The following GABRB3 variants were observed in gnomAD, a reference collection of about 807,000 sequenced individuals.
The protein encoded by GABRB3 is gamma-aminobutyric acid type A receptor subunit beta3.
Under a neutral mutation model 52.1 loss-of-function variants are expected in GABRB3, and 14 were observed. The observed-to-expected ratio is 0.27, with a 90% CI of 0.18 to 0.42. The LOEUF (loss-of-function observed/expected upper bound fraction) is 0.42, where lower values mean the gene tolerates loss of function less well. Among genes scored for constraint, GABRB3 ranks in the 10% least tolerant of loss-of-function variants. The pLI, the probability that GABRB3 is intolerant of heterozygous loss-of-function variation, is 1.00. For missense variants in GABRB3, 307 were observed against 609.1 expected (o/e 0.50, Z 5.22); for synonymous variants, 260 against 232.3 (o/e 1.12, Z -1.08).
At position 26,543,724 on chromosome 15, in the gene GABRB3, G is replaced by T. The variant is rs1889116930; in HGVS notation, c.*4069C>A. The T allele has an allele frequency of 6.6e-6, 1 of 152,578 alleles. No individual in the cohort carries two copies. Among genetic ancestry groups the T allele is most frequent in the Non-Finnish European group, 1.5e-5 (1 of 68,038 alleles). 9.5% of individuals were successfully genotyped at this position (152,578 alleles called of 1,614,324 possible). On this transcript the variant is annotated 3_prime_UTR_variant, in exon 9 of 9. Transcript: ENST00000311550. The stretch of plus-strand genomic sequence containing the variant: ...TTACAATAAAATGAAATCAACATGA[G>T]AATTGATTATGACAGCAATCGCCTA...
chr15:26,678,320 G>A (rs1888130243), intron 3 of GABRB3, among the ~76,000 whole-genome samples: 1 of 152,162 alleles, frequency 6.6e-6, no homozygotes, highest in Admixed American at 6.5e-5. Flanking sequence ...TAAATTAATT[G>A]ACACACATTC....
At chr15:26,556,534 AC>A (rs1206770605) in intron 8 of GABRB3, among the ~76,000 whole-genome samples, 1 of 152,170 alleles carries the variant, frequency 6.6e-6, no homozygotes, top group South Asian at 2.1e-4. Flanking sequence ...AAGGCTTGTA[AC>A]CATAATGCAT....
intron 3 of GABRB3, among the ~76,000 whole-genome samples, chr15:26,759,570 T>C (rs1005098500): frequency 2.0e-5 from 3 of 152,318 alleles, no homozygotes; most frequent in Non-Finnish European, 2.9e-5. Context: ...AAACATTATT[T>C]TTTGTAGAGA....
intron 3 of GABRB3, among the ~76,000 whole-genome samples, chr15:26,688,860 A>C (rs1888489253): frequency 6.6e-6 from 1 of 152,230 alleles, no homozygotes; most frequent in South Asian, 2.1e-4. Context: ...GGAGTGGCTA[A>C]GCTGTTGACA....
chr15:26,764,128 C>T (rs1890898459), intron 3 of GABRB3, among the ~76,000 whole-genome samples: 1 of 120,242 alleles, frequency 8.3e-6, no homozygotes, highest in South Asian at 2.8e-4. Context: ...CCAGCCTGGG[C>T]AACAGTGAGA....
intron 3 of GABRB3, among the ~76,000 whole-genome samples, chr15:26,766,956 C>G (rs1465176238): frequency 6.6e-6 from 1 of 152,132 alleles, no homozygotes; most frequent in Admixed American, 6.5e-5. Flanking sequence ...TCTCATTTTG[C>G]TCTCTATACC....
rs546451708 is a variant in GABRB3, at chr15:26,629,201, G to T, written c.241-7667C>A. The T allele has an allele frequency of 1.0e-4, 149 of 1,450,362 alleles. 1 individual carries two copies. The South Asian group carries it at 2.0e-3, about 20-fold the overall frequency. 89.8% of individuals were successfully genotyped at this position (1,450,362 alleles called of 1,614,324 possible). ...CGGGAGACGGAGGGCTTTGCGAAGC[G>T]GCGGCAATCAGGGGCGGGGCCTGGA... On this transcript the variant is annotated intron_variant, in intron 3 of 8. Transcript: ENST00000311550.
intron 3 of GABRB3, among the ~76,000 whole-genome samples, chr15:26,739,178 C>T (rs1312090528): frequency 1.3e-5 from 2 of 151,944 alleles, no homozygotes; most frequent in South Asian, 2.1e-4. Flanking sequence ...TGTCCAGCCT[C>T]GCCCAGCCCA....
At chr15:26,701,613 T>C (rs771391679) in intron 3 of GABRB3, among the ~76,000 whole-genome samples, 6 of 152,210 alleles carry the variant, frequency 3.9e-5, no homozygotes, top group Non-Finnish European at 5.9e-5. Flanking sequence ...AGATATGCCA[T>C]GTTCACAGGT....
At chr15:26,687,981 A>G (rs557795069) in intron 3 of GABRB3, among the ~76,000 whole-genome samples, 22 of 152,314 alleles carry the variant, frequency 1.4e-4, no homozygotes, top group African/African-American at 4.8e-4. Flanking sequence ...CCAGTGGACA[A>G]CCTATTACTG....
intron 3 of GABRB3, among the ~76,000 whole-genome samples, chr15:26,741,045 AGTGT>A (rs55860555): frequency 0.034 from 1,890 of 55,254 alleles, 44 homozygotes; most frequent in African/African-American, 0.066. Context: ...GGGAGGAATA[AGTGT>A]GTGTGTGTGT....
intron 3 of GABRB3, among the ~76,000 whole-genome samples, chr15:26,629,370 T>C (rs1030968133): frequency 1.3e-5 from 2 of 152,138 alleles, no homozygotes; most frequent in Admixed American, 1.3e-4. Flanking sequence ...CTGTGCGGCG[T>C]GGAGAACCTC....
At chr15:26,679,619 G>A (rs1888175301) in intron 3 of GABRB3, among the ~76,000 whole-genome samples, 1 of 152,050 alleles carries the variant, frequency 6.6e-6, no homozygotes, top group Non-Finnish European at 1.5e-5. Flanking sequence ...GAATAGCAGA[G>A]AATATTAGAA....
chr15:26,650,949 T>C (rs980702793), intron 3 of GABRB3, among the ~76,000 whole-genome samples: 6 of 152,086 alleles, frequency 3.9e-5, no homozygotes, highest in Non-Finnish European at 7.4e-5. Context: ...TGTTCATCAC[T>C]TAAGAAAGTT....
chr15:26,675,051 A>G (rs923009385), intron 3 of GABRB3, among the ~76,000 whole-genome samples: 2 of 152,154 alleles, frequency 1.3e-5, no homozygotes, highest in African/African-American at 4.8e-5. Flanking sequence ...GGGCCTTCCT[A>G]TGAAATAATT....
intron 3 of GABRB3, chr15:26,629,289 C>T: frequency 1.1e-6 from 1 of 916,678 alleles, no homozygotes; most frequent in Non-Finnish European, 1.5e-6. Context: ...GCTCGAGGGG[C>T]GTGGCCCGTA....
At chr15:26,721,564 T>G (rs541851549) in intron 3 of GABRB3, among the ~76,000 whole-genome samples, 2 of 152,018 alleles carry the variant, frequency 1.3e-5, no homozygotes, top group South Asian at 4.2e-4. Flanking sequence ...ATCTCACAGC[T>G]GCACATGGGC....
chr15:26,664,891 G>A (rs1253578961), intron 3 of GABRB3, among the ~76,000 whole-genome samples: 1 of 151,450 alleles, frequency 6.6e-6, no homozygotes, highest in Non-Finnish European at 1.5e-5. Context: ...GTACAGACAG[G>A]GTTTCTCCGT....
Position 26,644,366 on chromosome 15 carries a change from G to A in GABRB3, c.241-22832C>T, listed in dbSNP as rs138346517. On this transcript the variant is annotated intron_variant, in intron 3 of 8. Coordinates refer to ENST00000311550, the MANE Select transcript of GABRB3 (RefSeq NM_000814.6). Reference sequence around the variant, plus strand: ...AATTAAAATGAGGTTGCTAGGGTGAGCCCTTGTCCCACATGACTAATGTCC... The same window carrying A: ...AATTAAAATGAGGTTGCTAGGGTGAACCCTTGTCCCACATGACTAATGTCC... 1.1e-3 allele frequency among the ~76,000 whole-genome samples: 164 copies of A among 152,302 alleles called. 3 individuals carry two copies. The highest frequency in any genetic ancestry group is 3.8e-3 in the African/African-American group (156 of 41,556).
Sources: gnomAD v4.1 joint callset for allele counts (sites outside exome capture counted in the v4.1 genomes callset) on GRCh38, gnomAD v4.1.1 for gene constraint, MANE v1.5 for transcripts, NCBI Gene and HGNC (gene_info 2026-07-23, HGNC 2026-07-21) for gene names.